Variants in BLACAT1 observed in about 807,000 individuals in gnomAD.
The protein encoded by BLACAT1 is bladder cancer associated transcript 1.
At chr1:205,447,306 G>A (rs1018277856) in intron 1 of BLACAT1, among the ~76,000 whole-genome samples, 2 of 152,238 alleles carry the variant, frequency 1.3e-5, no homozygotes, top group African/African-American at 4.8e-5. Flanking sequence ...GTTAGTGCAG[G>A]TGAGGCGGTT....
intron 1 of BLACAT1, chr1:205,449,860 C>T (rs2102478205): frequency 6.6e-6 from 1 of 152,668 alleles, no homozygotes; most frequent in East Asian, 1.9e-4. Flanking sequence ...GTCCCAGGGG[C>T]TGCTCACCTG....
At chr1:205,435,230 C>T (rs1167140500), downstream of BLACAT1, 3 of 152,316 alleles carry the variant, frequency 2.0e-5, no homozygotes, top group Admixed American at 6.5e-5. Context: ...GTTCAAATCT[C>T]GATAAACTAC....
At chr1:205,454,708 A>C (rs1312857514) in intron 1 of BLACAT1, among the ~76,000 whole-genome samples, 2 of 152,054 alleles carry the variant, frequency 1.3e-5, no homozygotes. Flanking sequence ...TTACCCCTAA[A>C]GGGGGTTTCT....
chr1:205,450,558 C>G lies in BLACAT1; in HGVS notation c.-37+5359G>C, dbSNP rs1172406560. On this transcript the variant is annotated intron_variant, in intron 1 of 1. Transcript: ENST00000629624. The surrounding 1 kb of genome is among the most constrained non-coding windows in gnomAD (Gnocchi z 4.4). ...ACAAGGTCAGCACTTATCTGTCCTT[C>G]CATTTCCTTTCTCAGACCTGCTCGA... Among the ~76,000 whole-genome samples, 1 of 151,962 alleles carries G rather than the reference C, an allele frequency of 6.6e-6. No individual in the cohort carries two copies. The highest frequency in any genetic ancestry group is 1.5e-5 in the Non-Finnish European group (1 of 67,992).
rs988734126 is a variant in BLACAT1, at chr1:205,450,626, A to T, written c.-37+5291T>A. 1.2e-4 allele frequency among the ~76,000 whole-genome samples: 18 copies of T among 152,088 alleles called. No homozygotes were observed. Among genetic ancestry groups the T allele is most frequent in the African/African-American group, 4.1e-4 (17 of 41,482 alleles). On this transcript the variant is annotated intron_variant, in intron 1 of 1. Coordinates refer to ENST00000629624, the Ensembl canonical transcript of BLACAT1. The surrounding 1 kb of genome is among the most constrained non-coding windows in gnomAD (Gnocchi z 4.4). ...CACCCTCACCCAGTCCTGCGCTCGG[A>T]TTCCCAGCCATAGCCTGCCAATCCC...
At chr1:205,444,963 A>G (rs1298890588) in intron 1 of BLACAT1, among the ~76,000 whole-genome samples, 1 of 150,848 alleles carries the variant, frequency 6.6e-6, no homozygotes, top group Non-Finnish European at 1.5e-5. Context: ...ACGCCTCTAG[A>G]ACAAAGCTGA....
intron 1 of BLACAT1, among the ~76,000 whole-genome samples, chr1:205,453,925 TCA>T (rs1262446054): frequency 6.6e-6 from 1 of 152,238 alleles, no homozygotes; most frequent in Non-Finnish European, 1.5e-5. Flanking sequence ...TCGAAATGTC[TCA>T]GTGTCTGCCC....
At chr1:205,454,161 G>GC (rs1666533369) in intron 1 of BLACAT1, among the ~76,000 whole-genome samples, 2 of 152,200 alleles carry the variant, frequency 1.3e-5, no homozygotes, top group Non-Finnish European at 2.9e-5. Context: ...GATGGGCACC[G>GC]TGCTAGGCAC....
intron 1 of BLACAT1, among the ~76,000 whole-genome samples, chr1:205,455,633 C>G (rs1666553711): frequency 6.6e-6 from 1 of 152,206 alleles, no homozygotes; most frequent in African/African-American, 2.4e-5. Flanking sequence ...TCCCCCCAAT[C>G]CCACCAGCGG....
chr1:205,447,054 G>A (rs1049636852), intron 1 of BLACAT1, among the ~76,000 whole-genome samples: 29 of 152,220 alleles, frequency 1.9e-4, no homozygotes, highest in African/African-American at 5.8e-4. Flanking sequence ...ACAACCTCCC[G>A]TCTGGGTACA....
intron 1 of BLACAT1, among the ~76,000 whole-genome samples, chr1:205,446,568 G>A (rs1019270474): frequency 2.6e-5 from 4 of 152,234 alleles, no homozygotes; most frequent in Non-Finnish European, 2.9e-5. Flanking sequence ...GGATTCCCGG[G>A]AGGGGCCCAG....
Position 205,450,134 on chromosome 1 carries a change from C to T in BLACAT1, c.-37+5783G>A, listed in dbSNP as rs904332625. Reference sequence around the variant, plus strand: ...TGGGGGTGGGGGCGGGCTGGGCAGGCGGGGCAGCCAGGTATTCCTTCAACC... The same window carrying T: ...TGGGGGTGGGGGCGGGCTGGGCAGGTGGGGCAGCCAGGTATTCCTTCAACC... On this transcript the variant is annotated intron_variant, in intron 1 of 1. Transcript: ENST00000629624. The surrounding 1 kb of genome is among the most constrained non-coding windows in gnomAD (Gnocchi z 4.4). Among the ~76,000 whole-genome samples, 35 of 152,172 alleles carry T rather than the reference C, an allele frequency of 2.3e-4. No homozygotes were observed. The highest frequency in any genetic ancestry group is 1.0e-3 in the Admixed American group (16 of 15,294).
intron 1 of BLACAT1, among the ~76,000 whole-genome samples, chr1:205,449,515 C>T (rs1230930610): frequency 1.3e-5 from 2 of 152,128 alleles, no homozygotes; most frequent in Admixed American, 6.5e-5. Context: ...GCTCCCTGCA[C>T]AACCCTGGTA....
downstream of BLACAT1, chr1:205,436,896 T>C (rs1284822299): frequency 6.6e-6 from 1 of 152,282 alleles, no homozygotes; most frequent in Non-Finnish European, 1.5e-5. Context: ...ATCTGATAAG[T>C]GTGCCCTTTA....
rs1666484687 is a variant in BLACAT1 at position 205,450,687 on chromosome 1, C to T, written c.-37+5230G>A. On this transcript the variant is annotated intron_variant, in intron 1 of 1. Transcript: ENST00000629624. The surrounding 1 kb of genome is among the most constrained non-coding windows in gnomAD (Gnocchi z 4.4). ...CCCTGGGCACATGAAGGGCTCAGCC[C>T]CTGGCCTGCCTACCAATCCCAGCCC... is the stretch of plus-strand genomic sequence containing the variant. Among the ~76,000 whole-genome samples the T allele has an allele frequency of 6.6e-6, 1 of 152,168 alleles. No individual in the cohort carries two copies. The highest frequency in any genetic ancestry group is 2.1e-4 in the South Asian group (1 of 4,830).
intron 1 of BLACAT1, among the ~76,000 whole-genome samples, chr1:205,451,269 G>A (rs1237688769): frequency 6.6e-6 from 1 of 152,142 alleles, no homozygotes; most frequent in Non-Finnish European, 1.5e-5. Context: ...TCCCATGGTG[G>A]CCAATTCTAG....
intron 1 of BLACAT1, among the ~76,000 whole-genome samples, chr1:205,451,534 C>T (rs956576724): frequency 3.3e-5 from 5 of 151,792 alleles, no homozygotes; most frequent in East Asian, 3.9e-4. Context: ...TGGGCCCTGC[C>T]GCCTGTGGCA....
downstream of BLACAT1, chr1:205,436,134 TGGAACACGGGAATGAGCTGAA>T (rs1666200294): frequency 6.6e-6 from 1 of 152,332 alleles, no homozygotes; most frequent in Non-Finnish European, 1.5e-5. Context: ...GCCCCTCAGA[TGGAACACGGGAATGAGCTGAA>T]GGAGGAGAGA....
At chr1:205,447,505 T>C (rs952750910) in intron 1 of BLACAT1, among the ~76,000 whole-genome samples, 5 of 152,226 alleles carry the variant, frequency 3.3e-5, no homozygotes, top group African/African-American at 1.2e-4. Flanking sequence ...ACGAGGATGC[T>C]TCCTCTTCCA....
Sources: allele counts gnomAD v4.1 joint callset (sites outside exome capture counted in the v4.1 genomes callset), GRCh38; gene constraint gnomAD v4.1.1; non-coding constraint Gnocchi (gnomAD v3.1); transcripts MANE v1.5; gene names NCBI Gene and HGNC (gene_info 2026-07-23, HGNC 2026-07-21).